Variants in LAMA2 observed in about 807,000 individuals in gnomAD.
LAMA2 encodes the protein laminin subunit alpha-2.
In LAMA2, 269 loss-of-function variants were observed where a neutral mutation model predicts 364.8. The ratio of observed to expected loss-of-function variants is 0.74; its 90% CI spans 0.67 to 0.82. The LOEUF (loss-of-function observed/expected upper bound fraction) is 0.82, where lower values mean the gene tolerates loss of function less well. LAMA2 is among the 40% of genes least tolerant of loss of function. LAMA2 has a pLI of 0.00. For missense variants in LAMA2, 3,807 were observed against 3,873.2 expected, an observed-to-expected ratio of 0.98 and a Z score of 0.45; for synonymous variants, 1,379 against 1,370.6, an observed-to-expected ratio of 1.01 and a Z score of -0.14.
rs1371762543 is a variant in LAMA2 at position 129,291,736 on chromosome 6, T to C, written c.2856+16T>C. 3.2e-6 allele frequency: 5 copies of C among 1,550,208 alleles called. No individual in the cohort carries two copies. Among genetic ancestry groups the C allele is most frequent in the Non-Finnish European group, 4.5e-6 (5 of 1,121,952 alleles). On this transcript the variant is annotated intron_variant, in intron 20 of 64. Coordinates refer to ENST00000421865, the MANE Select transcript of LAMA2 (RefSeq NM_000426.4). ...CAAATGCAAGGTAAGGAGTAGAGGC[T>C]GACCCATAAATTACTTTCTCCTTAC... is the stretch of plus-strand genomic sequence containing the variant.
At chr6:129,469,534 A>C (rs9388709) in intron 51 of LAMA2, among the ~76,000 whole-genome samples, 22,848 of 151,838 alleles carry the variant, frequency 0.15, 1,958 homozygotes, top group African/African-American at 0.22. Context: ...GAGGTTGGCC[A>C]TTTCTTAAAA....
At chr6:129,136,258 T>G (rs1223092945) in intron 4 of LAMA2, among the ~76,000 whole-genome samples, 1 of 152,164 alleles carries the variant, frequency 6.6e-6, no homozygotes, top group Admixed American at 6.5e-5. Context: ...AAGTAAATGC[T>G]TTGTTGGTTG....
chr6:128,958,288 G>A (rs1781277083), intron 1 of LAMA2, among the ~76,000 whole-genome samples: 1 of 151,840 alleles, frequency 6.6e-6, no homozygotes, highest in African/African-American at 2.4e-5. Flanking sequence ...TAAAGTCTCT[G>A]GGCTTCTTAG....
At chr6:129,208,725 GGGAA>G (rs1187835087) in intron 12 of LAMA2, among the ~76,000 whole-genome samples, 1 of 131,732 alleles carries the variant, frequency 7.6e-6, no homozygotes, top group East Asian at 2.1e-4. Context: ...GAGGGAGGGA[GGGAA>G]GGAAGGAGGG....
intron 8 of LAMA2, among the ~76,000 whole-genome samples, chr6:129,162,023 G>A (rs1191434656): frequency 6.6e-6 from 1 of 152,166 alleles, no homozygotes; most frequent in Non-Finnish European, 1.5e-5. Flanking sequence ...ACGCAGTAAT[G>A]GGATTGCTGA....
chr6:129,359,904 G>T (rs1424586874), intron 32 of LAMA2, among the ~76,000 whole-genome samples: 1 of 152,086 alleles, frequency 6.6e-6, no homozygotes, highest in African/African-American at 2.4e-5. Context: ...ATTGCTAACA[G>T]AAAGATCTGT....
chr6:129,194,855 C>A (rs1781744635), intron 12 of LAMA2, among the ~76,000 whole-genome samples: 1 of 152,154 alleles, frequency 6.6e-6, no homozygotes, highest in African/African-American at 2.4e-5. Context: ...ACATGCTTAG[C>A]TTGGTTGATT....
intron 48 of LAMA2, among the ~76,000 whole-genome samples, chr6:129,457,372 TTCTC>T (rs1361985829): frequency 1.3e-5 from 2 of 152,094 alleles, no homozygotes; most frequent in African/African-American, 4.8e-5. Context: ...ATTATCAACT[TTCTC>T]TCCTTCACAG....
chr6:129,442,548 G>A (rs1382189454), intron 43 of LAMA2, among the ~76,000 whole-genome samples: 1 of 151,952 alleles, frequency 6.6e-6, no homozygotes, highest in Non-Finnish European at 1.5e-5. Context: ...TTAAGTTCAG[G>A]CGTATAAGTG....
intron 8 of LAMA2, among the ~76,000 whole-genome samples, chr6:129,159,794 G>A (rs1019203976): frequency 1.3e-5 from 2 of 152,176 alleles, no homozygotes; most frequent in Non-Finnish European, 2.9e-5. Flanking sequence ...CTAAGTTGCA[G>A]AGAGTTTTTA....
chr6:129,328,136 TCGGCAC>T, intron 28 of LAMA2, 136 bp from the exon 29 acceptor site: 1 of 758,336 alleles, frequency 1.3e-6, no homozygotes, highest in Non-Finnish European at 2.4e-6. Context: ...AGTATCAAAA[TCGGCAC>T]TTGCGTTTGT....
chr6:129,006,348 A>G (rs905954167), intron 1 of LAMA2, among the ~76,000 whole-genome samples: 3 of 152,152 alleles, frequency 2.0e-5, no homozygotes, highest in Admixed American at 2.0e-4. Flanking sequence ...GTGCCAATAG[A>G]TTGTTTTAGC....
intron 3 of LAMA2, among the ~76,000 whole-genome samples, chr6:129,072,968 A>G (rs1474446917): frequency 6.6e-6 from 1 of 151,950 alleles, no homozygotes; most frequent in Non-Finnish European, 1.5e-5. Context: ...TACTTTGTTT[A>G]TTTATTTATT....
chr6:129,514,328 T>A (rs753131322), intron 63 of LAMA2, 45 bp from the exon 64 acceptor site: 4 of 1,339,678 alleles, frequency 3.0e-6, no homozygotes, highest in Non-Finnish European at 4.3e-6. Flanking sequence ...TCATGATACT[T>A]CTTTAATGAA....
Position 129,401,343 on chromosome 6 carries a change from G to C in LAMA2, c.5562+3G>C. The C allele has an allele frequency of 6.5e-7, 1 of 1,535,130 alleles. No individual in the cohort carries two copies. Among genetic ancestry groups the C allele is most frequent in the African/African-American group, 1.4e-5 (1 of 73,148 alleles). Reference sequence around the variant, plus strand: ...ATGAAATCAACTCCATCATAGACGTGAGTATTGGGTAAAACTCAAAAGAGA... The same window carrying C: ...ATGAAATCAACTCCATCATAGACGTCAGTATTGGGTAAAACTCAAAAGAGA... On this transcript the variant is annotated splice_donor_region_variant and intron_variant, in intron 38 of 64. Transcript: ENST00000421865.
intron 24 of LAMA2, among the ~76,000 whole-genome samples, chr6:129,315,014 G>A (rs1437103695): frequency 6.6e-6 from 1 of 152,154 alleles, no homozygotes; most frequent in East Asian, 1.9e-4. Context: ...TATTGATAAG[G>A]AAATAGATGC....
At chr6:129,020,300 C>A (rs2114712711) in intron 1 of LAMA2, among the ~76,000 whole-genome samples, 1 of 152,184 alleles carries the variant, frequency 6.6e-6, no homozygotes, top group African/African-American at 2.4e-5. Context: ...GGGGCCACAA[C>A]TATTCTTGGC....
At chr6:128,922,822 T>C (rs1490153545) in intron 1 of LAMA2, among the ~76,000 whole-genome samples, 1 of 152,234 alleles carries the variant, frequency 6.6e-6, no homozygotes, top group Non-Finnish European at 1.5e-5. Flanking sequence ...GGTTTTCTTC[T>C]AGTGTTTTTA....
chr6:129,082,490 G>A (rs1009190438), intron 3 of LAMA2, among the ~76,000 whole-genome samples: 8 of 152,010 alleles, frequency 5.3e-5, no homozygotes, highest in Admixed American at 1.3e-4. Context: ...GTTTCCAAAC[G>A]TTTCAACAAA....
Sources: allele counts gnomAD v4.1 joint callset (sites outside exome capture counted in the v4.1 genomes callset), GRCh38; gene constraint gnomAD v4.1.1; transcripts MANE v1.5; gene names NCBI Gene and HGNC (gene_info 2026-07-23, HGNC 2026-07-21).